The following MATN2 variants were observed in gnomAD, a reference collection of about 807,000 sequenced individuals.
MATN2 encodes the protein matrilin 2.
In MATN2, 69 loss-of-function variants were observed where a neutral mutation model predicts 103.2. The observed-to-expected ratio is 0.67, with a 90% CI of 0.55 to 0.82. The LOEUF (loss-of-function observed/expected upper bound fraction) is 0.82, where lower values mean the gene tolerates loss of function less well. Among genes scored for constraint, MATN2 ranks in the 40% least tolerant of loss-of-function variants. The probability of loss-of-function intolerance (pLI) is 0.00; values close to 1 mark genes in which losing one functional copy is unlikely to be tolerated. For missense variants in MATN2, 1,023 were observed against 1,211.5 expected (o/e 0.84, Z 2.31); for synonymous variants, 429 against 450.2 (o/e 0.95, Z 0.60).
At chr8:97,880,027 T>TGGCAAACATACCA (rs1352564926) in intron 1 of MATN2, among the ~76,000 whole-genome samples, 1 of 152,128 alleles carries the variant, frequency 6.6e-6, no homozygotes, top group East Asian at 1.9e-4. Flanking sequence ...AAGAGATCTT[T>TGGCAAACATACCA]GGCAAAACTA....
At chr8:98,027,054 A>G (rs1226545229) in intron 13 of MATN2, among the ~76,000 whole-genome samples, 1 of 152,114 alleles carries the variant, frequency 6.6e-6, no homozygotes, top group Admixed American at 6.5e-5. Context: ...TCACCCTCCT[A>G]AAGTTCTAGG....
At chr8:97,936,281 C>G (rs539308364) in intron 3 of MATN2, among the ~76,000 whole-genome samples, 1 of 152,304 alleles carries the variant, frequency 6.6e-6, no homozygotes, top group African/African-American at 2.4e-5. Context: ...TTTAATTAAC[C>G]TCTAGGTGCT....
intron 2 of MATN2, among the ~76,000 whole-genome samples, chr8:97,926,607 C>T (rs1217794013): frequency 1.3e-5 from 2 of 152,164 alleles, no homozygotes; most frequent in Non-Finnish European, 2.9e-5. Context: ...GTGACTTGGA[C>T]TCTGTTGGGA....
intron 10 of MATN2, among the ~76,000 whole-genome samples, chr8:98,012,963 G>A (rs1011936691): frequency 6.6e-6 from 1 of 152,198 alleles, no homozygotes; most frequent in Non-Finnish European, 1.5e-5. Context: ...GCCTGGCTCA[G>A]ATAAGTGCTC....
chr8:97,909,497 CG>C (rs1819287746), intron 2 of MATN2, among the ~76,000 whole-genome samples: 1 of 152,006 alleles, frequency 6.6e-6, no homozygotes, highest in African/African-American at 2.4e-5. Flanking sequence ...TTAGATGAGT[CG>C]GGGGAAGGCC....
intron 7 of MATN2, among the ~76,000 whole-genome samples, chr8:97,995,156 T>C (rs1183112761): frequency 9.2e-5 from 14 of 152,210 alleles, no homozygotes; most frequent in Admixed American, 9.2e-4. Context: ...AAGGGCATGA[T>C]TGGGGATCTG....
rs1813009028 is a variant in MATN2, at chr8:98,007,367, T to G, written c.1451-112T>G. The G allele has an allele frequency of 1.9e-6, 3 of 1,550,906 alleles. No individual in the cohort carries two copies. Among genetic ancestry groups the G allele is most frequent in the Admixed American group, 1.8e-5 (1 of 57,066 alleles). ...TCCAGGAGATAGTGAGGATGTCCAC[T>G]GGGACTGCATGCCTTCGAGGGAGGG... On this transcript the variant is annotated intron_variant, in intron 9 of 18. Coordinates refer to ENST00000254898, the MANE Select transcript of MATN2 (RefSeq NM_002380.5). This position sits in a 1 kb window ranked among gnomAD's most constrained non-coding sequence, Gnocchi z 4.2.
At chr8:97,999,372 C>A (rs1812706436) in intron 7 of MATN2, among the ~76,000 whole-genome samples, 1 of 152,168 alleles carries the variant, frequency 6.6e-6, no homozygotes, top group Non-Finnish European at 1.5e-5. Context: ...GAGGAACCGC[C>A]ATGCTGTTTT....
chr8:97,965,877 C>G (rs1306515069), intron 5 of MATN2, among the ~76,000 whole-genome samples: 10 of 151,916 alleles, frequency 6.6e-5, no homozygotes, highest in African/African-American at 2.4e-4. Context: ...CCAGCTACTC[C>G]AGAGGCTGAG....
intron 1 of MATN2, among the ~76,000 whole-genome samples, chr8:97,885,164 A>G (rs903446963): frequency 2.6e-5 from 4 of 152,228 alleles, no homozygotes; most frequent in African/African-American, 7.2e-5. Context: ...CCAAGTGTTG[A>G]GTGCATATGC....
chr8:98,003,463 C>T (rs61185656), intron 7 of MATN2, among the ~76,000 whole-genome samples, 198 bp from the exon 8 acceptor site: 11,127 of 152,274 alleles, frequency 0.073, 1,322 homozygotes, highest in African/African-American at 0.25. Context: ...CCATCTCAGT[C>T]GTCATTAAAT....
At chr8:97,891,451 C>T (rs1818623488) in intron 2 of MATN2, among the ~76,000 whole-genome samples, 1 of 152,156 alleles carries the variant, frequency 6.6e-6, no homozygotes, top group African/African-American at 2.4e-5. Flanking sequence ...AATCCTCCAA[C>T]CTCAGCATCT....
At chr8:97,946,318 A>C (rs1185177226) in intron 4 of MATN2, among the ~76,000 whole-genome samples, 2 of 152,134 alleles carry the variant, frequency 1.3e-5, no homozygotes, top group Non-Finnish European at 2.9e-5. Context: ...AAGGTGTAGA[A>C]TTTTATCTTC....
intron 7 of MATN2, among the ~76,000 whole-genome samples, chr8:97,998,983 T>C (rs1812693885): frequency 6.6e-6 from 1 of 152,178 alleles, no homozygotes; most frequent in Non-Finnish European, 1.5e-5. Flanking sequence ...TCTATACCCA[T>C]TAAACAATAA....
intron 2 of MATN2, among the ~76,000 whole-genome samples, chr8:97,928,357 G>A (rs1352512087): frequency 6.6e-6 from 1 of 151,782 alleles, no homozygotes. Flanking sequence ...CTCCCAAGTA[G>A]CTGGGACTAC....
chr8:97,873,714 A>T (rs891044810), intron 1 of MATN2, among the ~76,000 whole-genome samples: 2 of 152,084 alleles, frequency 1.3e-5, no homozygotes, highest in Admixed American at 6.6e-5. Context: ...TCAGTTCAGA[A>T]ATGGCTCCTT....
chr8:97,889,457 G>GTATATATATATATATATATATA (rs1164752239), intron 2 of MATN2, among the ~76,000 whole-genome samples: 8 of 15,680 alleles, frequency 5.1e-4, no homozygotes, highest in African/African-American at 1.3e-3. Flanking sequence ...CTCTCTCTCT[G>GTATATATATATATATATATATA]TCTATATATA....
intron 1 of MATN2, among the ~76,000 whole-genome samples, chr8:97,869,962 A>G (rs1432770171): frequency 7.2e-5 from 11 of 152,110 alleles, no homozygotes; most frequent in Admixed American, 7.2e-4. Flanking sequence ...GAACAAACCC[A>G]ATTGACCAAG....
chr8:97,977,309 A>G (rs556111050), intron 5 of MATN2, among the ~76,000 whole-genome samples: 23 of 151,596 alleles, frequency 1.5e-4, no homozygotes, highest in Non-Finnish European at 3.1e-4. Context: ...GACCTGCTGG[A>G]AAGTGTTTGG....
Sources: gnomAD v4.1 joint callset for allele counts (sites outside exome capture counted in the v4.1 genomes callset) on GRCh38, gnomAD v4.1.1 for gene constraint, Gnocchi (gnomAD v3.1) non-coding constraint, MANE v1.5 for transcripts, NCBI Gene and HGNC (gene_info 2026-07-23, HGNC 2026-07-21) for gene names.